Variants in ARL8B observed in about 807,000 individuals in gnomAD.
ARL8B encodes the protein ADP-ribosylation factor-like protein 8B.
A neutral mutation model predicts 30.6 loss-of-function variants in ARL8B; 9 were observed. The observed-to-expected ratio is 0.29, with a 90% CI of 0.18 to 0.51. The LOEUF (loss-of-function observed/expected upper bound fraction) is 0.51. ARL8B is among the 20% of genes least tolerant of loss of function. The pLI is 0.97. For missense variants in ARL8B, 130 were observed against 227.2 expected (o/e 0.57, Z 2.75); for synonymous variants, 74 against 76.0 (o/e 0.97, Z 0.14).
At chr3:5,150,969 T>G (rs2054478220) in intron 1 of ARL8B, among the ~76,000 whole-genome samples, 2 of 152,222 alleles carry the variant, frequency 1.3e-5, no homozygotes, top group Non-Finnish European at 2.9e-5. Context: ...TTCATCAAAG[T>G]TGTTGAATTT....
At chr3:5,162,795 C>T (rs763801851) in intron 1 of ARL8B, among the ~76,000 whole-genome samples, 5 of 152,092 alleles carry the variant, frequency 3.3e-5, no homozygotes, top group Non-Finnish European at 7.4e-5. Context: ...TTCAGTGGAA[C>T]ATGGGCGGGT....
intron 1 of ARL8B, among the ~76,000 whole-genome samples, chr3:5,139,097 A>G (rs1238479047): frequency 6.6e-6 from 1 of 152,188 alleles, no homozygotes; most frequent in Admixed American, 6.5e-5. Context: ...AAAAATTGTT[A>G]CTGAATTTTT....
intron 1 of ARL8B, among the ~76,000 whole-genome samples, chr3:5,131,080 T>G (rs2054278994): frequency 6.6e-6 from 1 of 151,910 alleles, no homozygotes; most frequent in South Asian, 2.1e-4. Context: ...GCCCAGCTAA[T>G]TTTTGTATTT....
intron 1 of ARL8B, among the ~76,000 whole-genome samples, chr3:5,139,139 A>G (rs917490644): frequency 7.9e-5 from 12 of 152,236 alleles, no homozygotes; most frequent in African/African-American, 1.2e-4. Flanking sequence ...GACAATCCAT[A>G]TGATACTATT....
intron 1 of ARL8B, among the ~76,000 whole-genome samples, chr3:5,129,978 C>A (rs2054267757): frequency 1.3e-5 from 2 of 152,114 alleles, no homozygotes; most frequent in African/African-American, 4.8e-5. Context: ...ATTCTCCTGC[C>A]TCAGCCTCCC....
At chr3:5,173,228 A>C (rs138455330) in intron 4 of ARL8B, among the ~76,000 whole-genome samples, 18 of 152,298 alleles carry the variant, frequency 1.2e-4, no homozygotes, top group Admixed American at 1.0e-3. Flanking sequence ...GGTATATGAC[A>C]GTTGGAGGGG....
At chr3:5,149,306 CAGACA>C (rs1337606902) in intron 1 of ARL8B, among the ~76,000 whole-genome samples, 1 of 152,262 alleles carries the variant, frequency 6.6e-6, no homozygotes, top group Non-Finnish European at 1.5e-5. Flanking sequence ...CTGGAATACC[CAGACA>C]GAGCAGGCCA....
intron 1 of ARL8B, among the ~76,000 whole-genome samples, chr3:5,125,120 A>G (rs1341051704): frequency 6.6e-6 from 1 of 152,180 alleles, no homozygotes; most frequent in Non-Finnish European, 1.5e-5. Flanking sequence ...GCAGCCTTAC[A>G]TCCTCTTTGA....
intron 1 of ARL8B, among the ~76,000 whole-genome samples, chr3:5,158,656 T>G (rs1183818571): frequency 2.6e-5 from 4 of 152,196 alleles, no homozygotes; most frequent in Non-Finnish European, 4.4e-5. Flanking sequence ...TGTATATCAT[T>G]GTTTTAACAT....
intron 6 of ARL8B, among the ~76,000 whole-genome samples, chr3:5,177,459 CTT>C (rs781220638): frequency 1.3e-4 from 18 of 139,182 alleles, no homozygotes; most frequent in Non-Finnish European, 7.9e-5. Context: ...TAGTGAATTT[CTT>C]TTTTTTTTTT....
intron 1 of ARL8B, among the ~76,000 whole-genome samples, chr3:5,149,242 C>G (rs1404808237): frequency 6.6e-6 from 1 of 152,252 alleles, no homozygotes; most frequent in South Asian, 2.1e-4. Flanking sequence ...CCTGTGTTGT[C>G]TCTGCTGCCT....
chr3:5,138,435 C>A (rs978771538), intron 1 of ARL8B, among the ~76,000 whole-genome samples: 1 of 152,148 alleles, frequency 6.6e-6, no homozygotes, highest in Admixed American at 6.5e-5. Context: ...AGTTTTGCCA[C>A]TATTTAGCTG....
chr3:5,143,151 T>C (rs1310249262), intron 1 of ARL8B, among the ~76,000 whole-genome samples: 2 of 152,178 alleles, frequency 1.3e-5, no homozygotes, highest in Non-Finnish European at 2.9e-5. Flanking sequence ...TCGAATCTTA[T>C]AGTCTGGGGT....
chr3:5,172,292 G>T, intron 3 of ARL8B, 69 bp downstream of exon 3: 3 of 1,398,016 alleles, frequency 2.1e-6, no homozygotes, highest in Non-Finnish European at 3.0e-6. Context: ...GTTTATTTTA[G>T]TATTTCCAGA....
At chr3:5,147,548 T>A (rs1336902354) in intron 1 of ARL8B, among the ~76,000 whole-genome samples, 2 of 152,190 alleles carry the variant, frequency 1.3e-5, no homozygotes, top group Non-Finnish European at 2.9e-5. Flanking sequence ...CTTCTTTCTC[T>A]ATGTCAGAAT....
chr3:5,162,980 G>T lies in ARL8B; in HGVS notation c.124-7523G>T, dbSNP rs941772395. On this transcript the variant is annotated intron_variant, in intron 1 of 6. Coordinates refer to ENST00000256496, the MANE Select transcript of ARL8B (RefSeq NM_018184.3). ...TATGTCTGTGTGTACTCAGTGTTTA[G>T]CTCCCACTTTTTTTTTTTTTTTTTT... is the stretch of plus-strand genomic sequence containing the variant. Among the ~76,000 whole-genome samples the T allele has an allele frequency of 1.1e-4, 15 of 139,614 alleles. No individual in the cohort carries two copies. The East Asian group carries it at 3.0e-3, about 28-fold the overall frequency. The allele number at this position is 139,614 out of a possible 152,430, so 91.6% of individuals were successfully genotyped here.
At chr3:5,151,241 G>A (rs1037677034) in intron 1 of ARL8B, among the ~76,000 whole-genome samples, 2 of 151,808 alleles carry the variant, frequency 1.3e-5, no homozygotes, top group African/African-American at 4.8e-5. Flanking sequence ...TTCTTAAATG[G>A]GGGGCTTAGA....
intron 6 of ARL8B, among the ~76,000 whole-genome samples, chr3:5,175,174 G>T (rs1303308310): frequency 6.6e-6 from 1 of 152,096 alleles, no homozygotes; most frequent in African/African-American, 2.4e-5. Flanking sequence ...CATACAGTAG[G>T]CCCTCATTTC....
At chr3:5,169,269 A>T (rs1488337346) in intron 1 of ARL8B, among the ~76,000 whole-genome samples, 2 of 149,826 alleles carry the variant, frequency 1.3e-5, no homozygotes, top group African/African-American at 4.9e-5. Context: ...TATGAATTTG[A>T]CTATTTTAGG....
Sources: allele counts gnomAD v4.1 joint callset (sites outside exome capture counted in the v4.1 genomes callset), GRCh38; gene constraint gnomAD v4.1.1; transcripts MANE v1.5; gene names NCBI Gene and HGNC (gene_info 2026-07-23, HGNC 2026-07-21).